Variants in HYDIN observed in about 807,000 individuals in gnomAD.
HYDIN encodes HYDIN axonemal central pair apparatus protein.
HYDIN carries 132 observed loss-of-function variants against 403.9 expected under a neutral mutation model. The ratio of observed to expected loss-of-function variants is 0.33; its 90% CI spans 0.28 to 0.38. HYDIN has a LOEUF of 0.38. HYDIN is among the 10% of genes least tolerant of loss of function. The pLI is 1.00. For synonymous variants in HYDIN, 1,202 were observed against 1,891.7 expected (o/e 0.64, Z 9.46); for missense variants, 2,827 against 5,009.5 (o/e 0.56, Z 13.15).
chr16:70,878,595 C>A (rs1446023888), intron 62 of HYDIN, among the ~76,000 whole-genome samples: 1 of 148,932 alleles, frequency 6.7e-6, no homozygotes, highest in African/African-American at 2.6e-5. Context: ...TCTACCTATA[C>A]CTATGCTCTC....
chr16:70,914,178 AC>A (rs947783763), intron 47 of HYDIN, among the ~76,000 whole-genome samples: 23 of 151,382 alleles, frequency 1.5e-4, no homozygotes, highest in African/African-American at 5.3e-4. Context: ...TTGCCTGTGT[AC>A]CTTGGTTTTT....
At chr16:71,182,317 T>C (rs553966053) in intron 3 of HYDIN, among the ~76,000 whole-genome samples, 23 of 152,242 alleles carry the variant, frequency 1.5e-4, no homozygotes, top group African/African-American at 5.5e-4. Flanking sequence ...AAAAACATTC[T>C]TACTGCTTTG....
intron 6 of HYDIN, among the ~76,000 whole-genome samples, chr16:71,155,714 G>GT (rs1338347009): frequency 5.2e-5 from 2 of 38,306 alleles, no homozygotes; most frequent in Non-Finnish European, 1.2e-4. Context: ...AGTCATCTTT[G>GT]TGTCACTCAT....
intron 13 of HYDIN, among the ~76,000 whole-genome samples, chr16:71,073,940 A>G (rs571165922): frequency 6.6e-6 from 1 of 152,364 alleles, no homozygotes; most frequent in South Asian, 2.1e-4. Context: ...ATAGCCATAG[A>G]AATTTTAGAA....
chr16:70,996,493 T>C (rs1443897493), intron 23 of HYDIN, among the ~76,000 whole-genome samples: 1 of 151,856 alleles, frequency 6.6e-6, no homozygotes, highest in Admixed American at 6.6e-5. Context: ...GCTTCCCCAC[T>C]TGTGCACTAT....
At chr16:70,890,320 C>G (rs191798989) in intron 57 of HYDIN, among the ~76,000 whole-genome samples, 219 of 152,306 alleles carry the variant, frequency 1.4e-3, no homozygotes, top group African/African-American at 5.0e-3. Context: ...TGAAGTTCAA[C>G]CCCCTTTCGT....
rs1437972988 is a variant in HYDIN at position 71,102,732 on chromosome 16, GTC to G, written c.1328-8799_1328-8798del. Reference sequence around the variant, plus strand: ...TTCCCACAATTTCCCTGATGGTTTAGTCTTTCATGGGTCCTAGAATTTGTTTC... The same window carrying G: ...TTCCCACAATTTCCCTGATGGTTTAGTTTCATGGGTCCTAGAATTTGTTTC... On this transcript the variant is annotated intron_variant, in intron 10 of 85. Coordinates refer to ENST00000393567, the MANE Select transcript of HYDIN (RefSeq NM_001270974.2). 5.3e-5 allele frequency among the ~76,000 whole-genome samples: 8 copies of G among 151,380 alleles called. No homozygotes were observed. The East Asian group carries it at 1.6e-3, about 30-fold the overall frequency.
At chr16:71,154,993 G>C (rs1363154082) in intron 6 of HYDIN, among the ~76,000 whole-genome samples, 1 of 147,406 alleles carries the variant, frequency 6.8e-6, no homozygotes, top group African/African-American at 2.6e-5. Context: ...TATTCTTTTT[G>C]TTATGGCTAT....
chr16:71,054,036 T>C (rs545460606), intron 18 of HYDIN, among the ~76,000 whole-genome samples: 617 of 152,324 alleles, frequency 4.1e-3, no homozygotes, highest in Non-Finnish European at 6.2e-3. Flanking sequence ...GAATCTCGGT[T>C]ATCTGATCTG....
At chr16:70,870,626 C>A (rs2040035498) in intron 65 of HYDIN, among the ~76,000 whole-genome samples, 1 of 152,206 alleles carries the variant, frequency 6.6e-6, no homozygotes, top group African/African-American at 2.4e-5. Flanking sequence ...CTGTGCCCAG[C>A]CTCTCTGCCT....
rs1344512481 is a variant in HYDIN at position 70,883,942 on chromosome 16, CAAAGTGT to C, written c.9950_9956del (p.Tyr3317CysfsTer2). On this transcript the variant is annotated frameshift_variant, in exon 59 of 86. Coordinates refer to ENST00000393567, the MANE Select transcript of HYDIN (RefSeq NM_001270974.2). LOFTEE classifies it high-confidence loss of function. Reference sequence around the variant, plus strand: ...TACCTGGTAGACAGGCTTCAGCTAGCAAAGTGTAAAGAATGCCGGCAGGGTGGACTGC... The same window carrying C: ...TACCTGGTAGACAGGCTTCAGCTAGCAAAGAATGCCGGCAGGGTGGACTGC... 6.2e-7 allele frequency: 1 copy of C among 1,613,700 alleles called. No individual in the cohort carries two copies. Among genetic ancestry groups the C allele is most frequent in the African/African-American group, 1.3e-5 (1 of 74,562 alleles).
At chr16:71,115,208 G>A (rs1214229542) in intron 10 of HYDIN, among the ~76,000 whole-genome samples, 1 of 151,876 alleles carries the variant, frequency 6.6e-6, no homozygotes, top group Non-Finnish European at 1.5e-5. Flanking sequence ...TTGTTTTTGT[G>A]ATAGTGAGTG....
At chr16:71,102,165 A>G (rs2083474373) in intron 10 of HYDIN, among the ~76,000 whole-genome samples, 1 of 151,968 alleles carries the variant, frequency 6.6e-6, no homozygotes, top group South Asian at 2.1e-4. Flanking sequence ...GGAAATGATT[A>G]ACTGACTACA....
At chr16:70,819,752 T>C (rs1476739317) in intron 83 of HYDIN, among the ~76,000 whole-genome samples, 1 of 150,852 alleles carries the variant, frequency 6.6e-6, no homozygotes, top group Admixed American at 6.6e-5. Flanking sequence ...GTGTTAATAG[T>C]TCTTTATATA....
At chr16:71,193,966 C>T (rs1371942641) in intron 1 of HYDIN, among the ~76,000 whole-genome samples, 2 of 152,190 alleles carry the variant, frequency 1.3e-5, no homozygotes, top group African/African-American at 4.8e-5. Context: ...CTACCCAATA[C>T]ACAACATGTA....
intron 45 of HYDIN, among the ~76,000 whole-genome samples, chr16:70,921,467 A>G (rs2076993668): frequency 6.6e-6 from 1 of 152,324 alleles, no homozygotes; most frequent in Non-Finnish European, 1.5e-5. Context: ...GAAAAGGTGC[A>G]GAGTGACTTT....
chr16:70,862,441 C>CATGAAAA (rs1365174665), intron 68 of HYDIN, among the ~76,000 whole-genome samples, 186 bp from the exon 69 acceptor site: 2 of 116,914 alleles, frequency 1.7e-5, no homozygotes, highest in Non-Finnish European at 3.6e-5. Context: ...ACAGGAGACT[C>CATGAAAA]ATGAAAAATG....
chr16:70,949,216 A>C (rs1490077426), intron 41 of HYDIN, among the ~76,000 whole-genome samples: 35 of 150,276 alleles, frequency 2.3e-4, no homozygotes, highest in Admixed American at 1.0e-3. Context: ...GAACAAAAAA[A>C]CAAACACCGC....
intron 9 of HYDIN, among the ~76,000 whole-genome samples, chr16:71,127,065 T>A (rs1186596210): frequency 1.3e-5 from 2 of 152,110 alleles, no homozygotes; most frequent in Admixed American, 6.5e-5. Flanking sequence ...GGAACTATAG[T>A]TTTTAAGTAA....
Sources: allele counts gnomAD v4.1 joint callset (sites outside exome capture counted in the v4.1 genomes callset), GRCh38; gene constraint gnomAD v4.1.1; transcripts MANE v1.5; gene names NCBI Gene and HGNC (gene_info 2026-07-23, HGNC 2026-07-21).